KCNIP4: variants seen among roughly 807,000 people sequenced by gnomAD.
The protein encoded by KCNIP4 is Kv channel-interacting protein 4.
KCNIP4 carries 12 observed loss-of-function variants against 34.0 expected under a neutral mutation model. The ratio of observed to expected loss-of-function variants is 0.35; its 90% CI spans 0.23 to 0.57. The LOEUF is 0.57. Among genes scored for constraint, KCNIP4 ranks in the 20% least tolerant of loss-of-function variants. The pLI, the probability that KCNIP4 is intolerant of heterozygous loss-of-function variation, is 0.83. For synonymous variants in KCNIP4, 124 were observed against 102.2 expected (o/e 1.21, Z -1.29); for missense variants, 238 against 311.7 (o/e 0.76, Z 1.78).
At chr4:21,065,729 TATATATATA>T (rs1744303804) in intron 1 of KCNIP4, among the ~76,000 whole-genome samples, 5 of 34,832 alleles carry the variant, frequency 1.4e-4, no homozygotes, top group African/African-American at 4.0e-4. Flanking sequence ...CATTTGTCTA[TATATATATA>T]TATATATATA....
chr4:21,698,365 C>A (rs1478022187), intron 1 of KCNIP4, among the ~76,000 whole-genome samples: 2 of 152,158 alleles, frequency 1.3e-5, no homozygotes, highest in Non-Finnish European at 2.9e-5. Context: ...TAATTTACTG[C>A]GTTGTCCTAA....
chr4:21,272,695 C>T (rs1762222985), intron 1 of KCNIP4, among the ~76,000 whole-genome samples: 1 of 152,160 alleles, frequency 6.6e-6, no homozygotes, highest in Admixed American at 6.6e-5. Context: ...ACAATTCACA[C>T]CTTCATAAGC....
intron 1 of KCNIP4, among the ~76,000 whole-genome samples, chr4:21,665,854 C>T (rs1748901724): frequency 6.6e-6 from 1 of 152,150 alleles, no homozygotes; most frequent in African/African-American, 2.4e-5. Context: ...TCCCTATATC[C>T]CCTGAAGCCT....
chr4:20,978,359 G>T (rs1735686988), intron 1 of KCNIP4, among the ~76,000 whole-genome samples: 1 of 152,198 alleles, frequency 6.6e-6, no homozygotes, highest in South Asian at 2.1e-4. Flanking sequence ...AAATAGATAT[G>T]AACTGGCACT....
intron 1 of KCNIP4, among the ~76,000 whole-genome samples, chr4:21,556,296 T>C (rs767265956): frequency 3.3e-5 from 5 of 152,108 alleles, no homozygotes; most frequent in African/African-American, 7.2e-5. Flanking sequence ...ACAAATATAT[T>C]AGGTACATGA....
chr4:21,584,865 G>A (rs1332128547), intron 1 of KCNIP4, among the ~76,000 whole-genome samples: 2 of 152,056 alleles, frequency 1.3e-5, no homozygotes, highest in Non-Finnish European at 2.9e-5. Context: ...TCTTGAAAAC[G>A]TTTGAGCTTT....
rs1417213633 is a variant in KCNIP4, at chr4:21,291,863, AAAAAAAAGAAAGAAAGAAAG to A, written c.62-409174_62-409155del. ...AGTTAGACTCCGCCTCAAAAAAAAA[AAAAAAAAGAAAGAAAGAAAG>A]AAAGAAAGAAAGAAAGAAAGAAAGA... is the stretch of plus-strand genomic sequence containing the variant. On this transcript the variant is annotated intron_variant, in intron 1 of 8. Transcript: ENST00000382152. Among the ~76,000 whole-genome samples the A allele has an allele frequency of 7.9e-3, 566 of 71,590 alleles. 55 individuals carry two copies. The highest frequency in any genetic ancestry group is 0.058 in the Admixed American group (379 of 6,540). The allele number at this position is 71,590 out of a possible 152,430, so 47.0% of individuals were successfully genotyped here. A position where few individuals can be genotyped will look rare whatever the true frequency, so the allele number is the denominator to read the frequency against.
chr4:21,463,326 T>C (rs904882525), intron 1 of KCNIP4, among the ~76,000 whole-genome samples: 3 of 152,130 alleles, frequency 2.0e-5, no homozygotes, highest in Non-Finnish European at 4.4e-5. Flanking sequence ...TTTTGAGAAA[T>C]GTCTAGTCAG....
chr4:21,347,301 A>T (rs980666068), intron 1 of KCNIP4, among the ~76,000 whole-genome samples: 7 of 152,216 alleles, frequency 4.6e-5, no homozygotes, highest in East Asian at 3.9e-4. Context: ...GCAATGCTGC[A>T]GTAGCCTGGT....
chr4:20,880,940 C>G (rs1010114343), intron 2 of KCNIP4, among the ~76,000 whole-genome samples: 2 of 152,156 alleles, frequency 1.3e-5, no homozygotes, highest in African/African-American at 4.8e-5. Context: ...TGTATCTAAA[C>G]TATAATTTTA....
At chr4:20,992,599 C>A (rs142137202) in intron 1 of KCNIP4, among the ~76,000 whole-genome samples, 1 of 152,130 alleles carries the variant, frequency 6.6e-6, no homozygotes, top group African/African-American at 2.4e-5. Context: ...TCCCCCACCC[C>A]ACATACAATT....
intron 1 of KCNIP4, among the ~76,000 whole-genome samples, chr4:20,920,384 A>G (rs1729273793): frequency 6.6e-6 from 1 of 152,252 alleles, no homozygotes; most frequent in Non-Finnish European, 1.5e-5. Context: ...ATTAATAATC[A>G]TTGTAAAGTA....
chr4:21,040,181 C>T (rs910616541), intron 1 of KCNIP4, among the ~76,000 whole-genome samples: 2 of 152,128 alleles, frequency 1.3e-5, no homozygotes, highest in Non-Finnish European at 1.5e-5. Context: ...AGATGAGATT[C>T]GGGTGGGGAA....
chr4:21,811,164 A>G (rs999687244), intron 1 of KCNIP4, among the ~76,000 whole-genome samples: 1 of 152,246 alleles, frequency 6.6e-6, no homozygotes. Flanking sequence ...ATTTCTTAGT[A>G]AACAGCAACA....
intron 1 of KCNIP4, among the ~76,000 whole-genome samples, chr4:21,910,946 C>T (rs1185336497): frequency 6.6e-6 from 1 of 152,108 alleles, no homozygotes; most frequent in Admixed American, 6.6e-5. Context: ...TAAAGTATAG[C>T]TGAAATCTGC....
At chr4:21,265,864 A>G (rs960799709) in intron 1 of KCNIP4, among the ~76,000 whole-genome samples, 3 of 152,212 alleles carry the variant, frequency 2.0e-5, no homozygotes, top group Admixed American at 2.0e-4. Context: ...ACATATTTAA[A>G]AGGGCTAAGG....
At chr4:21,810,417 G>A (rs527985083) in intron 1 of KCNIP4, among the ~76,000 whole-genome samples, 67 of 152,134 alleles carry the variant, frequency 4.4e-4, no homozygotes, top group African/African-American at 1.4e-3. Context: ...TTGGCTGGGC[G>A]CGGTGGCTCA....
chr4:21,755,223 A>G (rs936409785), intron 1 of KCNIP4, among the ~76,000 whole-genome samples: 1 of 152,174 alleles, frequency 6.6e-6, no homozygotes, highest in African/African-American at 2.4e-5. Flanking sequence ...GTAGTTATTC[A>G]TTCACCTTCT....
At chr4:21,876,823 AAAATCAAACATGTTTT>A (rs1726143343) in intron 1 of KCNIP4, among the ~76,000 whole-genome samples, 1 of 152,168 alleles carries the variant, frequency 6.6e-6, no homozygotes, top group South Asian at 2.1e-4. Flanking sequence ...TATACATGAT[AAAATCAAACATGTTTT>A]GTCAACGGGA....
Sources: allele counts gnomAD v4.1 joint callset (sites outside exome capture counted in the v4.1 genomes callset), GRCh38; gene constraint gnomAD v4.1.1; transcripts MANE v1.5; gene names NCBI Gene and HGNC (gene_info 2026-07-23, HGNC 2026-07-21).